The following MAP3K15 variants were observed in gnomAD, a reference collection of about 807,000 sequenced individuals.
MAP3K15 encodes MAPK/ERK kinase kinase 15.
A neutral mutation model predicts 99.5 loss-of-function variants in MAP3K15; 124 were observed. The ratio of observed to expected loss-of-function variants is 1.25; its 90% CI spans 1.08 to 1.45. MAP3K15 has a LOEUF of 1.45. Ranked by LOEUF, MAP3K15 falls within the 40% of genes most tolerant of loss-of-function variation. The pLI is 0.00. For synonymous variants in MAP3K15, 494 were observed against 439.6 expected (o/e 1.12, Z -1.55); for missense variants, 1,242 against 1,079.7 (o/e 1.15, Z -2.11).
At chrX:19,430,280 C>G (rs1399562426) in intron 7 of MAP3K15, among the ~76,000 whole-genome samples, 2 of 111,623 alleles carry the variant, frequency 1.8e-5, no homozygotes, top group Non-Finnish European at 3.8e-5. Flanking sequence ...TTCTGCATAC[C>G]AGGTAAGAAA....
Position 19,483,713 on chromosome X carries a change from T to C in MAP3K15, c.525+2769A>G, listed in dbSNP as rs369756542. ...ACCCCAATCCACATGGAGGGGACAA[T>C]TGAGCAAATTCTCCTTAGAAGCCAC... On this transcript the variant is annotated intron_variant, in intron 3 of 28. Transcript: ENST00000338883. 3.6e-5 allele frequency among the ~76,000 whole-genome samples: 4 copies of C among 111,618 alleles called. No homozygotes were observed. In the East Asian group the frequency reaches 1.1e-3, roughly 31 times the overall value.
chrX:19,464,970 C>A (rs1028883605), intron 3 of MAP3K15, among the ~76,000 whole-genome samples: 16 of 111,147 alleles, frequency 1.4e-4, no homozygotes, highest in African/African-American at 5.2e-4. Context: ...TGGCTCACTG[C>A]AGCCTCAACC....
intron 25 of MAP3K15, among the ~76,000 whole-genome samples, chrX:19,366,018 A>T (rs939578549): frequency 6.7e-5 from 7 of 104,033 alleles, no homozygotes; most frequent in Non-Finnish European, 1.4e-4. Flanking sequence ...AAAAAAAAAA[A>T]AAAAAAAAAA....
intron 14 of MAP3K15, among the ~76,000 whole-genome samples, chrX:19,399,741 A>G (rs968200364): frequency 1.3e-5 from 1 of 78,128 alleles, no homozygotes; most frequent in Non-Finnish European, 2.2e-5. Flanking sequence ...TCTGTTTCCA[A>G]AAAAAAAAAA....
intron 16 of MAP3K15, among the ~76,000 whole-genome samples, chrX:19,394,442 C>T (rs942039502): frequency 1.6e-4 from 18 of 111,934 alleles, no homozygotes; most frequent in African/African-American, 4.5e-4. Context: ...GATGGAGGAA[C>T]GGACTCAGAC....
intron 5 of MAP3K15, among the ~76,000 whole-genome samples, chrX:19,459,310 C>A (rs2064114963): frequency 8.9e-6 from 1 of 111,804 alleles, no homozygotes; most frequent in South Asian, 3.7e-4. Context: ...GTACACATAT[C>A]CCACATAGGG....
chrX:19,392,625 G>A (rs2063535778), intron 16 of MAP3K15, 152 bp from the exon 17 acceptor site: 4 of 530,110 alleles, frequency 7.5e-6, no homozygotes, highest in Non-Finnish European at 1.2e-5. Flanking sequence ...CCTCCCCTCT[G>A]TAGCTACAGC....
chrX:19,412,529 C>G (rs2063697264), intron 11 of MAP3K15, among the ~76,000 whole-genome samples: 1 of 110,861 alleles, frequency 9.0e-6, no homozygotes, highest in South Asian at 3.9e-4. Flanking sequence ...TAGACAGGAG[C>G]TCCCGCAGGG....
At chrX:19,431,986 C>A (rs1160879474) in intron 6 of MAP3K15, among the ~76,000 whole-genome samples, 1 of 101,267 alleles carries the variant, frequency 9.9e-6, no homozygotes, top group Non-Finnish European at 2.0e-5. Context: ...AATACATATA[C>A]GCATTCATCA....
intron 9 of MAP3K15, among the ~76,000 whole-genome samples, chrX:19,424,898 C>T (rs1012049180): frequency 9.2e-6 from 1 of 108,660 alleles, no homozygotes; most frequent in Non-Finnish European, 1.9e-5. Context: ...CCTCCCACCT[C>T]GGCCTCCGAG....
chrX:19,456,808 G>T, intron 6 of MAP3K15, 105 bp downstream of exon 6: 1 of 526,968 alleles, frequency 1.9e-6, no homozygotes, highest in Non-Finnish European at 3.1e-6. Flanking sequence ...CATAACCTTG[G>T]CATTTAGCAC....
chrX:19,402,821 C>T (rs1373329987), intron 13 of MAP3K15, among the ~76,000 whole-genome samples: 2 of 111,103 alleles, frequency 1.8e-5, no homozygotes, highest in African/African-American at 3.3e-5. Flanking sequence ...CACACCACCA[C>T]GCCCAGCTAA....
intron 6 of MAP3K15, among the ~76,000 whole-genome samples, chrX:19,454,819 A>G (rs2064080690): frequency 2.7e-5 from 3 of 112,054 alleles, no homozygotes; most frequent in Non-Finnish European, 3.8e-5. Context: ...AGTATTTCAG[A>G]TTTTGGAATG....
rs370097132 is a variant in MAP3K15 at position 19,369,171 on chromosome X, T to G, written c.3449A>C (p.Lys1150Thr). The G allele has an allele frequency of 8.3e-7, 1 of 1,209,373 alleles. No individual in the cohort carries two copies. Among genetic ancestry groups the G allele is most frequent in the African/African-American group, 1.8e-5 (1 of 57,060 alleles). The change falls in exon 25 of 29, where the codon AAG becomes ACG. Residue 1150 changes from lysine (K) to threonine (T), a missense_variant. Coordinates refer to ENST00000338883, the MANE Select transcript of MAP3K15 (RefSeq NM_001001671.4). Reference protein sequence around the residue: ...EPTCETEGVDKDMDEAEEGYP... With the variant: ...EPTCETEGVDTDMDEAEEGYP... ...GCCCTCTTCCGCTTCATCCATGTCC[T>G]TATCTACCCCTTCAGTCTCACAGGT...
At chrX:19,436,086 G>A (rs147880365) in intron 6 of MAP3K15, among the ~76,000 whole-genome samples, 1,730 of 108,601 alleles carry the variant, frequency 0.016, 39 homozygotes, top group African/African-American at 0.055. Context: ...CCCAGGAGGC[G>A]GAGGTTGCAG....
At chrX:19,451,652 A>G (rs2147342921) in intron 6 of MAP3K15, among the ~76,000 whole-genome samples, 1 of 108,917 alleles carries the variant, frequency 9.2e-6, no homozygotes, top group Non-Finnish European at 1.9e-5. Flanking sequence ...TAGGGCAGCT[A>G]ATAAAAAAAA....
At chrX:19,434,678 T>A (rs2063909121) in intron 6 of MAP3K15, among the ~76,000 whole-genome samples, 1 of 111,517 alleles carries the variant, frequency 9.0e-6, no homozygotes, top group Non-Finnish European at 1.9e-5. Flanking sequence ...CTGGAAAAAA[T>A]TATTTGATTA....
intron 24 of MAP3K15, among the ~76,000 whole-genome samples, chrX:19,370,125 T>C (rs1434395933): frequency 1.8e-5 from 2 of 111,683 alleles, no homozygotes; most frequent in East Asian, 2.8e-4. Flanking sequence ...GGGGAAACCA[T>C]GATGGCGACA....
intron 11 of MAP3K15, among the ~76,000 whole-genome samples, chrX:19,412,578 C>G (rs2063697686): frequency 9.0e-6 from 1 of 110,725 alleles, no homozygotes. Context: ...CTGACTGGCA[C>G]TGAGGGCTGA....
Sources: gnomAD v4.1 joint callset for allele counts (sites outside exome capture counted in the v4.1 genomes callset) on GRCh38, gnomAD v4.1.1 for gene constraint, MANE v1.5 for transcripts, NCBI Gene and HGNC (gene_info 2026-07-23, HGNC 2026-07-21) for gene names.